NR3C2: variants seen among roughly 807,000 people sequenced by gnomAD.
NR3C2 encodes the protein mineralocorticoid receptor.
A neutral mutation model predicts 86.4 loss-of-function variants in NR3C2; 15 were observed. The ratio of observed to expected loss-of-function variants is 0.17; its 90% CI spans 0.12 to 0.27. The LOEUF (loss-of-function observed/expected upper bound fraction) is 0.27. Ranked by LOEUF, NR3C2 falls within the 10% of genes least tolerant of loss-of-function variation. The pLI is 1.00. For missense variants in NR3C2, 960 were observed against 1,195.6 expected, an observed-to-expected ratio of 0.80 and a Z score of 2.91; for synonymous variants, 458 against 450.5, an observed-to-expected ratio of 1.02 and a Z score of -0.21.
chr4:148,304,776 G>T (rs933276339), intron 2 of NR3C2, among the ~76,000 whole-genome samples: 1 of 152,178 alleles, frequency 6.6e-6, no homozygotes, highest in African/African-American at 2.4e-5. Flanking sequence ...AGCACTGGGA[G>T]AATGCGGTGG....
intron 2 of NR3C2, among the ~76,000 whole-genome samples, chr4:148,323,800 AC>A (rs1743789951): frequency 6.6e-6 from 1 of 152,022 alleles, no homozygotes; most frequent in South Asian, 2.1e-4. Context: ...AGTGCGATGA[AC>A]CCGGTACCTC....
chr4:148,097,813 C>T (rs1010423876), intron 8 of NR3C2, among the ~76,000 whole-genome samples: 5 of 147,716 alleles, frequency 3.4e-5, no homozygotes, highest in Admixed American at 2.7e-4. Flanking sequence ...TATGTGCAGC[C>T]CAAGACAATT....
At chr4:148,281,896 T>C (rs1381861035) in intron 2 of NR3C2, among the ~76,000 whole-genome samples, 1 of 152,198 alleles carries the variant, frequency 6.6e-6, no homozygotes, top group Non-Finnish European at 1.5e-5. Flanking sequence ...TACATAGAAA[T>C]GGAGTCATGG....
At chr4:148,275,483 T>G (rs933593645) in intron 2 of NR3C2, among the ~76,000 whole-genome samples, 2 of 151,636 alleles carry the variant, frequency 1.3e-5, no homozygotes, top group Non-Finnish European at 1.5e-5. Flanking sequence ...CAGGCTGGAG[T>G]GCAATGACGT....
chr4:148,155,621 C>G (rs191887111), intron 4 of NR3C2, among the ~76,000 whole-genome samples: 5,653 of 152,044 alleles, frequency 0.037, 362 homozygotes, highest in African/African-American at 0.13. Context: ...AGGATACAAA[C>G]AAATGGAAGA....
At chr4:148,414,860 T>C (rs1231919058) in intron 2 of NR3C2, among the ~76,000 whole-genome samples, 1 of 152,210 alleles carries the variant, frequency 6.6e-6, no homozygotes, top group African/African-American at 2.4e-5. Flanking sequence ...GATAAGTCAC[T>C]ATTTCCATGT....
At chr4:148,237,628 T>G (rs1016325001) in intron 3 of NR3C2, among the ~76,000 whole-genome samples, 2 of 67,386 alleles carry the variant, frequency 3.0e-5, no homozygotes, top group Non-Finnish European at 8.4e-5. Context: ...CTGCAGCGCT[T>G]CAATAATTGT....
chr4:148,168,203 G>A (rs1243813201), intron 4 of NR3C2, among the ~76,000 whole-genome samples: 1 of 152,158 alleles, frequency 6.6e-6, no homozygotes, highest in Non-Finnish European at 1.5e-5. Flanking sequence ...CCTTTTTGTG[G>A]GTTGAATGAT....
At chr4:148,128,217 C>T (rs1466917429) in intron 6 of NR3C2, among the ~76,000 whole-genome samples, 2 of 152,144 alleles carry the variant, frequency 1.3e-5, no homozygotes, top group Non-Finnish European at 2.9e-5. Context: ...GCTATCTTAC[C>T]ATCATTATGT....
intron 3 of NR3C2, among the ~76,000 whole-genome samples, chr4:148,223,752 G>A (rs1377052020): frequency 2.6e-5 from 4 of 152,180 alleles, no homozygotes; most frequent in Admixed American, 6.5e-5. Context: ...AAGAACAAAG[G>A]TGAGAGATGA....
At chr4:148,240,362 A>G (rs1738966610) in intron 3 of NR3C2, among the ~76,000 whole-genome samples, 1 of 151,766 alleles carries the variant, frequency 6.6e-6, no homozygotes, top group Non-Finnish European at 1.5e-5. Flanking sequence ...GCCATATTTC[A>G]AGTGTTCAAA....
At chr4:148,442,856 A>ATAT (rs1750422516), upstream of NR3C2, 4 of 985,158 alleles carry the variant, frequency 4.1e-6, no homozygotes, top group Admixed American at 1.8e-4. Flanking sequence ...CTTCTGACCG[A>ATAT]CCCCAGGATA....
At chr4:148,379,833 G>A (rs917151245) in intron 2 of NR3C2, among the ~76,000 whole-genome samples, 1 of 146,938 alleles carries the variant, frequency 6.8e-6, no homozygotes, top group African/African-American at 2.7e-5. Context: ...CTTCCTCACA[G>A]ATGCTCACTT....
rs1316283825 is a variant in NR3C2 at position 148,097,923 on chromosome 4, C to T, written c.2799+16181G>A. On this transcript the variant is annotated intron_variant, in intron 8 of 8. Coordinates refer to ENST00000358102, the MANE Select transcript of NR3C2 (RefSeq NM_000901.5). ...CCTGCAACCGGTTTGAAGACTCCCA[C>T]AGAGGAACAGGATCAGCATGAGAAT... 3.9e-5 allele frequency among the ~76,000 whole-genome samples: 6 copies of T among 152,150 alleles called. No homozygotes were observed. In the East Asian group the frequency reaches 1.2e-3, roughly 29 times the overall value.
intron 3 of NR3C2, among the ~76,000 whole-genome samples, chr4:148,211,609 C>T (rs1200357513): frequency 6.6e-6 from 1 of 152,138 alleles, no homozygotes; most frequent in East Asian, 1.9e-4. Context: ...CATGGCGTCA[C>T]TGGAAGAATA....
intron 4 of NR3C2, among the ~76,000 whole-genome samples, chr4:148,172,172 C>A (rs116893784): frequency 6.6e-6 from 1 of 152,116 alleles, no homozygotes; most frequent in Admixed American, 6.5e-5. Context: ...GTCAACTCAT[C>A]CTAATTTTCT....
rs1203702603 is a variant in NR3C2, at chr4:148,081,478, AT to A, written c.2820del (p.Glu940AspfsTer13). On this transcript the variant is annotated frameshift_variant, in exon 9 of 9. Transcript: ENST00000358102. LOFTEE classifies it high-confidence loss of function. Reference protein sequence around the residue: ...SMHDLVSDLLEFCFYTFRESH... With the variant: ...SMHDLVSDLLXFCFYTFRESH... ...GACTCTCGGAAGGTGTAGAAGCAGA[AT>A]TCCAGCAGGTCGCTCACCAGCTGTA... The A allele has an allele frequency of 6.2e-7, 1 of 1,613,966 alleles. No individual in the cohort carries two copies. The highest frequency in any genetic ancestry group is 8.5e-7 in the Non-Finnish European group (1 of 1,179,996).
rs189995552 is a variant in NR3C2, at chr4:148,438,240, A to G, written c.-2-1378T>C. ...TTAGCAGTATCCCTAACCCCTACCC[A>G]CTAGATGCCAGTAGCATTCCACCTC... On this transcript the variant is annotated intron_variant, in intron 1 of 8. Coordinates refer to ENST00000358102, the MANE Select transcript of NR3C2 (RefSeq NM_000901.5). Among the ~76,000 whole-genome samples the G allele has an allele frequency of 2.6e-5, 4 of 152,214 alleles. No homozygotes were observed. The East Asian group carries it at 7.7e-4, about 29-fold the overall frequency.
chr4:148,379,502 G>A (rs974356702), intron 2 of NR3C2, among the ~76,000 whole-genome samples: 30 of 152,196 alleles, frequency 2.0e-4, no homozygotes, highest in African/African-American at 5.8e-4. Flanking sequence ...AATCAAGGTT[G>A]TGGAGAAGCA....
Sources: allele counts gnomAD v4.1 joint callset (sites outside exome capture counted in the v4.1 genomes callset), GRCh38; gene constraint gnomAD v4.1.1; transcripts MANE v1.5; gene names NCBI Gene and HGNC (gene_info 2026-07-23, HGNC 2026-07-21).